SLC22A25: variants seen among roughly 807,000 people sequenced by gnomAD.
SLC22A25 encodes the protein MGI:2442751, MGI:2385316, MGI:3042283, MGI:3645714, MGI:3605624, MGI:2442750.
In SLC22A25, 44 loss-of-function variants were observed where a neutral mutation model predicts 45.9. The observed-to-expected ratio is 0.96, with a 90% CI of 0.75 to 1.23. SLC22A25 has a LOEUF of 1.23. Among genes scored for constraint, SLC22A25 ranks in the 50% most tolerant of loss-of-function variants. SLC22A25 has a pLI of 0.00. For synonymous variants in SLC22A25, 283 were observed against 238.6 expected (o/e 1.19, Z -1.72); for missense variants, 800 against 666.4 (o/e 1.20, Z -2.21).
intron 7 of SLC22A25, among the ~76,000 whole-genome samples, chr11:63,203,483 AAC>A (rs774895172): frequency 9.2e-5 from 14 of 152,122 alleles, no homozygotes; most frequent in Admixed American, 3.9e-4. Flanking sequence ...GGAGCTGCAA[AAC>A]ACAGCATGAG....
intron 5 of SLC22A25, among the ~76,000 whole-genome samples, chr11:63,222,728 T>C (rs1198022807): frequency 6.6e-6 from 1 of 152,060 alleles, no homozygotes; most frequent in African/African-American, 2.4e-5. Flanking sequence ...TTCAATTTTT[T>C]CCCCATTTCA....
At chr11:63,208,505 C>T (rs745570239) in intron 7 of SLC22A25, among the ~76,000 whole-genome samples, 2 of 152,106 alleles carry the variant, frequency 1.3e-5, no homozygotes, top group Non-Finnish European at 2.9e-5. Flanking sequence ...TGTAAACCTA[C>T]CCGGGACACG....
intron 9 of SLC22A25, among the ~76,000 whole-genome samples, chr11:63,178,194 A>G (rs147042204): frequency 3.3e-5 from 5 of 152,012 alleles, no homozygotes; most frequent in Admixed American, 2.0e-4. Flanking sequence ...CCCTGCCAAT[A>G]TACCCCATTT....
intron 5 of SLC22A25, chr11:63,218,187 T>C (rs2089768857): frequency 7.3e-6 from 3 of 409,020 alleles, no homozygotes; most frequent in Non-Finnish European, 1.4e-5. Flanking sequence ...TGAAATCATG[T>C]CTTCTGCAGC....
At chr11:63,222,626 T>C (rs1282729708) in intron 5 of SLC22A25, among the ~76,000 whole-genome samples, 1 of 152,116 alleles carries the variant, frequency 6.6e-6, no homozygotes, top group African/African-American at 2.4e-5. Context: ...TTCTCTTGTC[T>C]GATTGCTCTA....
intron 7 of SLC22A25, among the ~76,000 whole-genome samples, chr11:63,216,337 A>G (rs2134813196): frequency 6.6e-6 from 1 of 152,350 alleles, no homozygotes; most frequent in South Asian, 2.1e-4. Context: ...ACCTAAAGAA[A>G]GAAATACCTT....
At chr11:63,195,558 A>G (rs2134764855) in intron 7 of SLC22A25, among the ~76,000 whole-genome samples, 2 of 152,368 alleles carry the variant, frequency 1.3e-5, no homozygotes, top group South Asian at 2.1e-4. Context: ...GAAGCCAACG[A>G]GAACAAAGAC....
At chr11:63,173,302 T>G (rs1343423003) in intron 9 of SLC22A25, among the ~76,000 whole-genome samples, 1 of 152,064 alleles carries the variant, frequency 6.6e-6, no homozygotes, top group Admixed American at 6.6e-5. Context: ...GGTTGATGGG[T>G]GCAGAAAACC....
chr11:63,221,671 T>C (rs932964518), intron 5 of SLC22A25, among the ~76,000 whole-genome samples: 1 of 152,164 alleles, frequency 6.6e-6, no homozygotes, highest in African/African-American at 2.4e-5. Context: ...CGTTTGCCTG[T>C]GCTTGTTGTG....
Position 63,164,056 on chromosome 11 carries a change from A to G in SLC22A25, c.1412T>C (p.Ile471Thr), listed in dbSNP as rs377436921. The G allele has an allele frequency of 4.4e-6, 7 of 1,602,170 alleles. No individual in the cohort carries two copies. In the African/African-American group the frequency reaches 8.1e-5, roughly 18 times the overall value. Residue 471 changes from isoleucine to threonine, a missense_variant, in exon 12 of 12, where the codon ATC becomes ACC. By Grantham distance (89) the Ile-to-Thr change is moderately conservative (BLOSUM62 -1). Transcript: ENST00000306494. ...CCCAATATTAGCAAAGTTTCCAGTGATTCCAGTAGCTCTTCCCCTTGGAGT... is the reference window on the plus strand; with the variant it reads ...CCCAATATTAGCAAAGTTTCCAGTGGTTCCAGTAGCTCTTCCCCTTGGAGT... Reference protein sequence around the residue: ...PSIIRGRATGITGNFANIGGA... With the variant: ...PSIIRGRATGTTGNFANIGGA...
At position 63,232,052 on chromosome 11, in the gene SLC22A25, G is replaced by A. The variant is rs549866817; in HGVS notation, c.-444-1956C>T. Among the ~76,000 whole-genome samples the A allele has an allele frequency of 3.3e-5, 5 of 152,304 alleles. No individual in the cohort carries two copies. In the South Asian group the frequency reaches 1.0e-3, roughly 32 times the overall value. On this transcript the variant is annotated intron_variant, in intron 3 of 11. Coordinates refer to ENST00000306494, the MANE Select transcript of SLC22A25 (RefSeq NM_199352.6). ...TTACTGTAGCCTTGTAGTATAGTTT[G>A]AAGTCAGGTAGCGTGATGCTTCCAG...
chr11:63,232,866 G>A (rs756350975), intron 3 of SLC22A25, among the ~76,000 whole-genome samples: 22 of 152,122 alleles, frequency 1.4e-4, no homozygotes, highest in Non-Finnish European at 2.9e-4. Flanking sequence ...TTTGTCAAAG[G>A]CCTTTTCTGC....
intron 9 of SLC22A25, among the ~76,000 whole-genome samples, chr11:63,175,537 T>C (rs568612454): frequency 1.3e-3 from 197 of 152,234 alleles, no homozygotes; most frequent in African/African-American, 3.9e-3. Context: ...GGCAAATATT[T>C]TCCCTCATTC....
chr11:63,239,939 C>T (rs1202649314), intron 1 of SLC22A25, among the ~76,000 whole-genome samples: 1 of 152,132 alleles, frequency 6.6e-6, no homozygotes, highest in Non-Finnish European at 1.5e-5. Flanking sequence ...CACAGTCATG[C>T]ATCTCAAAAC....
chr11:63,183,948 G>A (rs951019782), intron 7 of SLC22A25, 131 bp from the exon 8 acceptor site: 1 of 1,282,434 alleles, frequency 7.8e-7, no homozygotes, highest in Non-Finnish European at 1.1e-6. Context: ...GGAAATAAAA[G>A]CCTACATTCT....
chr11:63,175,216 C>A (rs1295644392), intron 9 of SLC22A25, among the ~76,000 whole-genome samples: 1 of 152,114 alleles, frequency 6.6e-6, no homozygotes, highest in Non-Finnish European at 1.5e-5. Context: ...TTTACATTTT[C>A]ACTAACAGTG....
At chr11:63,179,839 C>T (rs1019639535) in intron 9 of SLC22A25, among the ~76,000 whole-genome samples, 2 of 152,140 alleles carry the variant, frequency 1.3e-5, no homozygotes, top group Non-Finnish European at 2.9e-5. Flanking sequence ...ACTTTGTCCT[C>T]AGTGACCTTA....
In SLC22A25 at chr11:63,164,078, G is replaced by A. The variant is rs1341129813; in HGVS notation, c.1395-5C>T. The A allele has an allele frequency of 6.4e-7, 1 of 1,565,268 alleles. No individual in the cohort carries two copies. Among genetic ancestry groups the A allele is most frequent in the African/African-American group, 1.4e-5 (1 of 72,750 alleles). ...GTGATTCCAGTAGCTCTTCCCCTTGGAGTAAAAACAGCAACAGAGGAAAAG... is the reference window on the plus strand; with the variant it reads ...GTGATTCCAGTAGCTCTTCCCCTTGAAGTAAAAACAGCAACAGAGGAAAAG... On this transcript the variant is annotated splice_polypyrimidine_tract_variant and splice_region_variant and intron_variant, in intron 11 of 11. Coordinates refer to ENST00000306494, the MANE Select transcript of SLC22A25 (RefSeq NM_199352.6).
At chr11:63,180,848 C>A (rs1352084202) in intron 8 of SLC22A25, 73 bp from the exon 9 acceptor site, 1 of 1,029,866 alleles carries the variant, frequency 9.7e-7, no homozygotes, top group African/African-American at 1.6e-5. Flanking sequence ...GACTTGTCAA[C>A]CAACAGATGA....
Sources: gnomAD v4.1 joint callset for allele counts (sites outside exome capture counted in the v4.1 genomes callset) on GRCh38, gnomAD v4.1.1 for gene constraint, MANE v1.5 for transcripts, NCBI Gene and HGNC (gene_info 2026-07-23, HGNC 2026-07-21) for gene names.